JCHAIN: variants seen among roughly 807,000 people sequenced by gnomAD.
JCHAIN encodes immunoglobulin J chain.
Under a neutral mutation model 11.1 loss-of-function variants are expected in JCHAIN, and 5 were observed. The ratio of observed to expected loss-of-function variants is 0.45; its 90% CI spans 0.24 to 0.95. The LOEUF (loss-of-function observed/expected upper bound fraction) is 0.95, where lower values mean the gene tolerates loss of function less well. Among genes scored for constraint, JCHAIN ranks in the 40% least tolerant of loss-of-function variants. The pLI is 0.21. For missense variants in JCHAIN, 165 were observed against 192.7 expected (o/e 0.86, Z 0.85); for synonymous variants, 51 against 67.8 (o/e 0.75, Z 1.22).
At chr4:70,657,756 G>C (rs1003563896) in intron 2 of JCHAIN, among the ~76,000 whole-genome samples, 5 of 152,094 alleles carry the variant, frequency 3.3e-5, no homozygotes, top group African/African-American at 1.2e-4. Context: ...CCAGTGCCTA[G>C]CTAGGTATGT....
intron 1 of JCHAIN, among the ~76,000 whole-genome samples, chr4:70,662,605 A>G (rs906202589): frequency 6.6e-6 from 1 of 152,166 alleles, no homozygotes. Context: ...CTGCCTTTTC[A>G]TAATAACAAT....
At position 70,662,113 on chromosome 4, in the gene JCHAIN, A is replaced by G. The variant is rs894226640; in HGVS notation, c.167T>C (p.Val56Ala). 1 of 1,613,896 alleles carries G rather than the reference A, an allele frequency of 6.2e-7. No homozygotes were observed. The highest frequency in any genetic ancestry group is 8.5e-7 in the Non-Finnish European group (1 of 1,179,774). Residue 56 changes from valine (V) to alanine (A), a missense_variant, in exon 2 of 4, where the codon GTG becomes GCG. Transcript: ENST00000254801. The stretch of plus-strand genomic sequence containing the variant: ...ATACATAATTCGGATGTTTCTCTCC[A>G]CAATGTCCTCATTAGGATCTTCGGA... ...RSSEDPNEDIVERNIRIIVPL... is the reference protein window; with the variant it reads ...RSSEDPNEDIAERNIRIIVPL...
intron 1 of JCHAIN, 74 bp downstream of exon 1, chr4:70,666,353 A>G: frequency 9.3e-7 from 1 of 1,071,210 alleles, no homozygotes; most frequent in South Asian, 1.4e-5. Flanking sequence ...ATAGGCATAA[A>G]TGTTTAAAAC....
intron 2 of JCHAIN, among the ~76,000 whole-genome samples, chr4:70,659,254 A>G (rs1203267552): frequency 6.6e-6 from 1 of 152,114 alleles, no homozygotes; most frequent in East Asian, 1.9e-4. Context: ...GTTGGGAATA[A>G]TACCATAATG....
rs1391571318 is a variant in JCHAIN, at chr4:70,656,101, G to A, written c.*228C>T. 6.2e-6 allele frequency: 3 copies of A among 486,416 alleles called. No individual in the cohort carries two copies. The highest frequency in any genetic ancestry group is 1.1e-5 in the Non-Finnish European group (3 of 275,176). 30.1% of individuals were successfully genotyped at this position (486,416 alleles called of 1,614,324 possible). A position where few individuals can be genotyped will look rare whatever the true frequency, so the allele number is the denominator to read the frequency against. The stretch of plus-strand genomic sequence containing the variant: ...CTCTTTCAGGTGAGCATGATAATTG[G>A]AAGATTTTGATACTTAGAGTATGAA... On this transcript the variant is annotated 3_prime_UTR_variant, in exon 4 of 4. Transcript: ENST00000254801.
chr4:70,662,044 G>A, intron 2 of JCHAIN, 48 bp downstream of exon 2: 1 of 1,588,348 alleles, frequency 6.3e-7, no homozygotes, highest in Non-Finnish European at 8.6e-7. Flanking sequence ...GTGTCAGAAA[G>A]TATCTCTGCT....
chr4:70,662,066 A>G, intron 2 of JCHAIN, 26 bp downstream of exon 2: 8 of 1,610,992 alleles, frequency 5.0e-6, no homozygotes, highest in Non-Finnish European at 6.8e-6. Flanking sequence ...AGAACAGGAA[A>G]AAAAGGAATA....
chr4:70,665,855 T>C (rs1250236924), intron 1 of JCHAIN: 1 of 341,294 alleles, frequency 2.9e-6, no homozygotes, highest in Non-Finnish European at 6.0e-6. Context: ...TATTTAATAC[T>C]GTACCTCTAA....
In JCHAIN at chr4:70,655,648, AT is replaced by A; in HGVS notation, c.*680del. The stretch of plus-strand genomic sequence containing the variant: ...ACAAAATGGATTGTTTCAAATGGCA[AT>A]TTCTTACACTAACCTGATTATGAAA... On this transcript the variant is annotated 3_prime_UTR_variant, in exon 4 of 4. Transcript: ENST00000254801. 1 of 152,138 alleles carries A rather than the reference AT, an allele frequency of 6.6e-6. No individual in the cohort carries two copies. The highest frequency in any genetic ancestry group is 1.5e-5 in the Non-Finnish European group (1 of 68,018). The allele number at this position is 152,138 out of a possible 1,614,324, so 9.4% of individuals were successfully genotyped here.
Position 70,661,783 on chromosome 4 carries a change from A to C in JCHAIN, c.188+309T>G, listed in dbSNP as rs796869032. Among the ~76,000 whole-genome samples the C allele has an allele frequency of 4.7e-4, 72 of 152,316 alleles. 1 individual carries two copies. The highest frequency in any genetic ancestry group is 1.6e-3 in the African/African-American group (65 of 41,572). On this transcript the variant is annotated intron_variant, in intron 2 of 3. Coordinates refer to ENST00000254801, the MANE Select transcript of JCHAIN (RefSeq NM_144646.4). Reference sequence around the variant, plus strand: ...GACAGAGTGAGACCCTGTCTCAAAAACAAGCAAACAAAAATAAATGAATAG... The same window carrying C: ...GACAGAGTGAGACCCTGTCTCAAAACCAAGCAAACAAAAATAAATGAATAG...
At chr4:70,657,516 T>G (rs1238258012) in intron 2 of JCHAIN, among the ~76,000 whole-genome samples, 3 of 152,192 alleles carry the variant, frequency 2.0e-5, no homozygotes, top group African/African-American at 7.2e-5. Flanking sequence ...GTCAACTATC[T>G]TTGCTGACTT....
Position 70,656,428 on chromosome 4 carries a change from G to A in JCHAIN, c.381C>T (p.Asp127=). ...CCACAGCTGTGTAGCACTTGTTTCT[G>A]TCATAAGTGTAGCAGGTCTCTGTAG... The part of the protein sequence containing the change: ...DSATETCYTY[D]RNKCYTAVVP... The change falls in exon 4 of 4, where the codon GAC becomes GAT. Residue 127 remains aspartate (D), a synonymous_variant. Transcript: ENST00000254801. 1 of 1,613,952 alleles carries A rather than the reference G, an allele frequency of 6.2e-7. No individual in the cohort carries two copies. Among genetic ancestry groups the A allele is most frequent in the East Asian group, 2.2e-5 (1 of 44,874 alleles).
chr4:70,663,277 G>T (rs1210108358), intron 1 of JCHAIN: 1 of 150,454 alleles, frequency 6.6e-6, no homozygotes, highest in Non-Finnish European at 1.5e-5. Flanking sequence ...TGCAACCTCT[G>T]CCTCCTGGGT....
At chr4:70,658,157 T>C (rs78695086) in intron 2 of JCHAIN, among the ~76,000 whole-genome samples, 1,616 of 152,284 alleles carry the variant, frequency 0.011, 38 homozygotes, top group African/African-American at 0.037. Context: ...CAGTTGATTC[T>C]AATTATTTTC....
chr4:70,658,963 AC>A (rs1252624098), intron 2 of JCHAIN, among the ~76,000 whole-genome samples: 2 of 152,260 alleles, frequency 1.3e-5, no homozygotes, highest in Admixed American at 1.3e-4. Flanking sequence ...TATCCCCACC[AC>A]CAACCCTTAA....
At chr4:70,656,597 T>TA (rs1738954877) in intron 3 of JCHAIN, 58 bp from the exon 4 acceptor site, 1 of 1,275,828 alleles carries the variant, frequency 7.8e-7, no homozygotes, top group African/African-American at 1.5e-5. Context: ...AAAATGTGAC[T>TA]ACACATTTCA....
In JCHAIN at chr4:70,666,439, C is replaced by T. The variant is rs770363099; in HGVS notation, c.52G>A (p.Val18Ile). ...AAATATCACATACCTTTCACATGAA[C>T]AGCCTTAATAAAAACCGCCAGGACT... ...WGVLAVFIKA[V>I]HVKAQEDERI... The change falls in exon 1 of 4, where the codon GTT (valine) becomes ATT (isoleucine). Residue 18 changes from valine to isoleucine, a missense_variant. By Grantham distance (29) the Val-to-Ile change is conservative. Transcript: ENST00000254801. 5.6e-6 allele frequency: 9 copies of T among 1,608,594 alleles called. No individual in the cohort carries two copies. In the South Asian group the frequency reaches 9.9e-5, roughly 18 times the overall value.
chr4:70,663,841 G>A (rs183476878), intron 1 of JCHAIN, among the ~76,000 whole-genome samples: 51 of 152,006 alleles, frequency 3.4e-4, no homozygotes, highest in Non-Finnish European at 6.3e-4. Context: ...GATTATGGGC[G>A]TGAGCCACCA....
intron 2 of JCHAIN, 41 bp from the exon 3 acceptor site, chr4:70,657,332 G>T: frequency 1.6e-6 from 2 of 1,235,608 alleles, no homozygotes; most frequent in Non-Finnish European, 2.4e-6. Flanking sequence ...ACAATGAAAT[G>T]CAGATATTGT....
Sources: allele counts gnomAD v4.1 joint callset (sites outside exome capture counted in the v4.1 genomes callset), GRCh38; gene constraint gnomAD v4.1.1; transcripts MANE v1.5; gene names NCBI Gene and HGNC (gene_info 2026-07-23, HGNC 2026-07-21).